ZNF746: variants seen among roughly 807,000 people sequenced by gnomAD.
The protein encoded by ZNF746 is zinc finger protein 746.
A neutral mutation model predicts 41.0 loss-of-function variants in ZNF746; 13 were observed. The ratio of observed to expected loss-of-function variants is 0.32; its 90% CI spans 0.21 to 0.50. The LOEUF (loss-of-function observed/expected upper bound fraction) is 0.50. ZNF746 is among the 20% of genes least tolerant of loss of function. ZNF746 has a pLI of 0.98. For missense variants in ZNF746, 811 were observed against 922.9 expected (o/e 0.88, Z 1.57); for synonymous variants, 424 against 396.2 (o/e 1.07, Z -0.83).
At position 149,473,904 on chromosome 7, in the gene ZNF746, A is replaced by G. The variant is rs924978685; in HGVS notation, c.*480T>C. On this transcript the variant is annotated 3_prime_UTR_variant, in exon 7 of 7. Transcript: ENST00000458143. ...TCACTGCCCAGGGGCTTGGTGCGCT[A>G]GGCCCACTCAGCCCAACTGGGCAGA... is the stretch of plus-strand genomic sequence containing the variant. 3 of 181,640 alleles carry G rather than the reference A, an allele frequency of 1.7e-5. No homozygotes were observed. Among genetic ancestry groups the G allele is most frequent in the African/African-American group, 7.2e-5 (3 of 41,626 alleles). The allele number at this position is 181,640 out of a possible 1,614,324, so 11.3% of individuals were successfully genotyped here.
Position 149,473,953 on chromosome 7 carries a change from T to C in ZNF746, c.*431A>G. The C allele has an allele frequency of 4.0e-6, 1 of 247,984 alleles. No homozygotes were observed. The highest frequency in any genetic ancestry group is 7.9e-6 in the Non-Finnish European group (1 of 125,856). 15.4% of individuals were successfully genotyped at this position (247,984 alleles called of 1,614,324 possible). ...GAGCAGGGGCACACACAGGACCCCATCCCCAGGAGTCAGTGGGCCAGGGGT... is the reference window on the plus strand; with the variant it reads ...GAGCAGGGGCACACACAGGACCCCACCCCCAGGAGTCAGTGGGCCAGGGGT... On this transcript the variant is annotated 3_prime_UTR_variant, in exon 7 of 7. Transcript: ENST00000458143.
Position 149,475,362 on chromosome 7 carries a change from G to A in ZNF746, c.1005C>T (p.Phe335=), listed in dbSNP as rs1563248478. The change falls in exon 7 of 7, where the codon TTC becomes TTT. Residue 335 remains phenylalanine (F), a synonymous_variant. Transcript: ENST00000458143. The part of the protein sequence containing the change: ...TLFGPGQATR[F]FPSPAQEGAW... ...CTCCTTCCTGGGCAGGACTAGGGAA[G>A]AACCGTGTGGCTTGGCCTGGTCCAA... 6.2e-7 allele frequency: 1 copy of A among 1,614,196 alleles called. No individual in the cohort carries two copies. The highest frequency in any genetic ancestry group is 8.5e-7 in the Non-Finnish European group (1 of 1,180,022).
rs771770472 is a variant in ZNF746, at chr7:149,493,983, C to A, written c.451+6G>T. 2.5e-6 allele frequency: 4 copies of A among 1,614,184 alleles called. No individual in the cohort carries two copies. Among genetic ancestry groups the A allele is most frequent in the Non-Finnish European group, 2.5e-6 (3 of 1,180,032 alleles). The stretch of plus-strand genomic sequence containing the variant: ...ATTTAACAGAGAAATGAGTGTCAGG[C>A]CTTACCCAGGGAGACCAGCGTCTCG... On this transcript the variant is annotated splice_donor_region_variant and intron_variant, in intron 3 of 6. Transcript: ENST00000458143.
At position 149,497,704 on chromosome 7, in the gene ZNF746, G is replaced by A. The variant is rs928533244; in HGVS notation, c.-168C>T. 6.2e-4 allele frequency: 223 copies of A among 360,642 alleles called. No individual in the cohort carries two copies. Among genetic ancestry groups the A allele is most frequent in the African/African-American group, 4.7e-3 (211 of 45,038 alleles). 22.3% of individuals were successfully genotyped at this position (360,642 alleles called of 1,614,324 possible). A position where few individuals can be genotyped will look rare whatever the true frequency, so the allele number is the denominator to read the frequency against. On this transcript the variant is annotated 5_prime_UTR_variant, in exon 1 of 7. Coordinates refer to ENST00000458143, the MANE Select transcript of ZNF746 (RefSeq NM_001394198.1). The surrounding 1 kb of genome is among the most constrained non-coding windows in gnomAD (Gnocchi z 4.2). ...CCTGCGCCGCGCCGCCCGCAGTCGC[G>A]CCGCCTCCGTCAGCGCCCGGCCGGT...
chr7:149,488,406 A>G (rs1398910039), intron 4 of ZNF746: 1 of 152,232 alleles, frequency 6.6e-6, no homozygotes, highest in Non-Finnish European at 1.5e-5. Context: ...GACTCTTTCA[A>G]CAGTGAAAAC....
At position 149,474,333 on chromosome 7, in the gene ZNF746, C is replaced by G. The variant is rs1329299703; in HGVS notation, c.*51G>C. 6 of 1,557,556 alleles carry G rather than the reference C, an allele frequency of 3.9e-6. No homozygotes were observed. Among genetic ancestry groups the G allele is most frequent in the Non-Finnish European group, 5.2e-6 (6 of 1,151,092 alleles). ...CTTCCACGCCGCCCTGCTGCCTGCA[C>G]ACGGGGCTTTTTACACGTGCGGCCG... is the stretch of plus-strand genomic sequence containing the variant. On this transcript the variant is annotated 3_prime_UTR_variant, in exon 7 of 7. Coordinates refer to ENST00000458143, the MANE Select transcript of ZNF746 (RefSeq NM_001394198.1). The surrounding 1 kb of genome is among the most constrained non-coding windows in gnomAD (Gnocchi z 6.3).
At chr7:149,480,923 T>C (rs1346712360) in intron 4 of ZNF746, among the ~76,000 whole-genome samples, 2 of 152,124 alleles carry the variant, frequency 1.3e-5, no homozygotes, top group African/African-American at 4.8e-5. Context: ...AATAAAAGGT[T>C]AGAAAGGGGG....
At chr7:149,483,178 G>A (rs1189397362) in intron 4 of ZNF746, among the ~76,000 whole-genome samples, 1 of 152,024 alleles carries the variant, frequency 6.6e-6, no homozygotes, top group East Asian at 1.9e-4. Context: ...AATAATCTGA[G>A]TCTAAGAAAA....
chr7:149,495,791 T>TTA (rs1800977124), intron 1 of ZNF746, among the ~76,000 whole-genome samples: 1 of 152,192 alleles, frequency 6.6e-6, no homozygotes, highest in Admixed American at 6.5e-5. Context: ...AGGACAGTGC[T>TTA]TAAGATACTA....
At chr7:149,481,540 CATAA>C (rs1206533406) in intron 4 of ZNF746, among the ~76,000 whole-genome samples, 1 of 152,112 alleles carries the variant, frequency 6.6e-6, no homozygotes, top group Non-Finnish European at 1.5e-5. Context: ...ATGTGGAATA[CATAA>C]ATACAGAGGA....
chr7:149,475,550 C>T (rs1800271438), intron 6 of ZNF746, 67 bp from the exon 7 acceptor site: 2 of 1,541,464 alleles, frequency 1.3e-6, no homozygotes, highest in South Asian at 2.5e-5. Flanking sequence ...GATCTGCCAC[C>T]ATCACCTGCT....
intron 4 of ZNF746, chr7:149,487,631 G>C (rs144593222): frequency 6.6e-6 from 1 of 152,122 alleles, no homozygotes; most frequent in Non-Finnish European, 1.5e-5. Flanking sequence ...ATGAGAGCAA[G>C]ATTTTTTTTA....
chr7:149,484,872 T>C (rs943472025), intron 4 of ZNF746, among the ~76,000 whole-genome samples: 1 of 152,234 alleles, frequency 6.6e-6, no homozygotes, highest in African/African-American at 2.4e-5. Context: ...ATATTAATAC[T>C]GTGAGGTTTT....
At chr7:149,477,120 A>C in intron 5 of ZNF746, 73 bp from the exon 6 acceptor site, 1 of 1,510,400 alleles carries the variant, frequency 6.6e-7, no homozygotes, top group Non-Finnish European at 8.9e-7. Context: ...TGGGGAGGAG[A>C]GCAGGCTAAA....
chr7:149,486,498 T>C lies in ZNF746; in HGVS notation c.565+6361A>G, dbSNP rs560741355. On this transcript the variant is annotated intron_variant, in intron 4 of 6. Transcript: ENST00000458143. ...AATACATTGTATTATGGTCACAAAA[T>C]ACAAAACTGTAAAGTGGTGAAAATC... Among the ~76,000 whole-genome samples the C allele has an allele frequency of 6.6e-5, 10 of 150,910 alleles. No individual in the cohort carries two copies. In the South Asian group the frequency reaches 2.1e-3, roughly 32 times the overall value.
At chr7:149,488,516 A>G (rs1261690959) in intron 4 of ZNF746, 2 of 152,360 alleles carry the variant, frequency 1.3e-5, no homozygotes, top group Admixed American at 6.5e-5. Context: ...GAACACATAC[A>G]AAGAAGCCCT....
At chr7:149,478,786 C>T (rs1800397984) in intron 4 of ZNF746, among the ~76,000 whole-genome samples, 1 of 152,190 alleles carries the variant, frequency 6.6e-6, no homozygotes, top group Non-Finnish European at 1.5e-5. Flanking sequence ...AGAACAGAAT[C>T]TTTAAGGCAA....
rs1800235057 is a variant in ZNF746 at position 149,474,870 on chromosome 7, CG to C, written c.1496del (p.Pro499ArgfsTer144). ...TGCCGCTGCCGCCACCGCCTGTGCC[CG>C]GGCCCGACCCGTCGGGCGCCCCACA... ...RSCGAPDGSG[P>X]GTGGGGSGSG... On this transcript the variant is annotated frameshift_variant, in exon 7 of 7. Transcript: ENST00000458143. LOFTEE classifies it low-confidence loss of function (END_TRUNC). This position sits in a 1 kb window ranked among gnomAD's most constrained non-coding sequence, Gnocchi z 6.3. The C allele has an allele frequency of 6.7e-7, 1 of 1,488,106 alleles. No individual in the cohort carries two copies. The highest frequency in any genetic ancestry group is 2.4e-5 in the Admixed American group (1 of 42,432). The allele number at this position is 1,488,106 out of a possible 1,614,324, so 92.2% of individuals were successfully genotyped here. A position where few individuals can be genotyped will look rare whatever the true frequency, so the allele number is the denominator to read the frequency against.
Position 149,476,865 on chromosome 7 carries a change from C to T in ZNF746, c.883+57G>A, listed in dbSNP as rs749770016. On this transcript the variant is annotated intron_variant, in intron 6 of 6. Transcript: ENST00000458143. Reference sequence around the variant, plus strand: ...ACCAGTGAAAATGGGATGCCTGGACCGAGGTACTCCCCACAGGCAAGCATG... The same window carrying T: ...ACCAGTGAAAATGGGATGCCTGGACTGAGGTACTCCCCACAGGCAAGCATG... 3.4e-5 allele frequency: 55 copies of T among 1,611,042 alleles called. No homozygotes were observed. The Admixed American group carries it at 4.2e-4, about 12-fold the overall frequency.
Sources: allele counts gnomAD v4.1 joint callset (sites outside exome capture counted in the v4.1 genomes callset), GRCh38; gene constraint gnomAD v4.1.1; non-coding constraint Gnocchi (gnomAD v3.1); transcripts MANE v1.5; gene names NCBI Gene and HGNC (gene_info 2026-07-23, HGNC 2026-07-21).